The following OTOF variants were observed in gnomAD, a reference collection of about 807,000 sequenced individuals.
OTOF encodes the protein fer-1-like family member 2.
In OTOF, 218 loss-of-function variants were observed where a neutral mutation model predicts 236.8. That is an observed-to-expected ratio of 0.92 (90% confidence interval 0.82 to 1.03). The LOEUF is 1.03. Among genes scored for constraint, OTOF ranks in the 50% least tolerant of loss-of-function variants. The pLI is 0.00. For synonymous variants in OTOF, 1,041 were observed against 1,072.5 expected, an observed-to-expected ratio of 0.97 and a Z score of 0.57; for missense variants, 2,590 against 2,694.4, an observed-to-expected ratio of 0.96 and a Z score of 0.86.
chr2:26,460,087 G>A lies in OTOF; in HGVS notation c.5932C>T (p.Leu1978Phe). Residue 1978 changes from leucine (L) to phenylalanine (F), a missense_variant, in exon 46 of 47, where the codon CTC (leucine) becomes TTC (phenylalanine). Physicochemically the swap from Leu to Phe is conservative, Grantham distance 22 (BLOSUM62 0). Around this residue, in one of 2 missense-constraint regions of OTOF, gnomAD observed 1,211 missense variants for 1,352.8 expected, o/e 0.90. Coordinates refer to ENST00000272371, the MANE Select transcript of OTOF (RefSeq NM_194248.3). This position sits in a 1 kb window ranked among gnomAD's most constrained non-coding sequence, Gnocchi z 5.3. ...KLLLLLLLLL[L>F]LALFLYSVPG... is the part of the protein sequence containing the mutation. ...ACAGAGTAGAGGAACAGGGCGAGGA[G>A]GAGGAGCAGCAGCAGGAGCAGCAAC... 1.3e-6 allele frequency: 2 copies of A among 1,579,792 alleles called. No homozygotes were observed. The highest frequency in any genetic ancestry group is 8.6e-7 in the Non-Finnish European group (1 of 1,162,464).
At chr2:26,516,377 T>C in intron 5 of OTOF, 41 bp downstream of exon 5, 1 of 1,582,474 alleles carries the variant, frequency 6.3e-7, no homozygotes, top group Non-Finnish European at 8.7e-7. Context: ...CTTCCCCGTG[T>C]CTTGGGAGCA....
In OTOF at chr2:26,462,473, A is replaced by G. The variant is rs1318616380; in HGVS notation, c.5193-292T>C. 1.3e-5 allele frequency among the ~76,000 whole-genome samples: 2 copies of G among 152,188 alleles called. No homozygotes were observed. The highest frequency in any genetic ancestry group is 2.4e-5 in the African/African-American group (1 of 41,438). The stretch of plus-strand genomic sequence containing the variant: ...CTGCATTTAAGCCCAGTAGCCAGCA[A>G]TGGAAGCCCATGGAAGCTGTATGTC... On this transcript the variant is annotated intron_variant, in intron 41 of 46. Coordinates refer to ENST00000272371, the MANE Select transcript of OTOF (RefSeq NM_194248.3). The surrounding 1 kb of genome is among the most constrained non-coding windows in gnomAD (Gnocchi z 4.7).
In OTOF at chr2:26,466,798, G is replaced by A. The variant is rs145597315; in HGVS notation, c.4416C>T (p.Ala1472=). The A allele has an allele frequency of 1.8e-5, 29 of 1,614,100 alleles. No individual in the cohort carries two copies. The highest frequency in any genetic ancestry group is 1.6e-4 in the Middle Eastern group (1 of 6,084). ...ACATGCCGTAGGTGGAGTCGTAGCC[G>A]GCTTCCCGGGACACGTCCTCTGGGA... ...VPLPEDVSRE[A]GYDSTYGMFQ... The change falls in exon 36 of 47, where the codon GCC becomes GCT. Residue 1472 remains alanine (A), a synonymous_variant. Transcript: ENST00000272371.
intron 11 of OTOF, among the ~76,000 whole-genome samples, chr2:26,488,481 T>C (rs1665752943): frequency 6.6e-6 from 1 of 152,148 alleles, no homozygotes; most frequent in Admixed American, 6.5e-5. Context: ...GGCCACCCCT[T>C]GGGGTTCCCT....
At chr2:26,523,547 C>T (rs1434388852) in intron 3 of OTOF, among the ~76,000 whole-genome samples, 4 of 152,194 alleles carry the variant, frequency 2.6e-5, no homozygotes, top group Admixed American at 1.3e-4. Context: ...CCAAATGCAT[C>T]GGTCATGTGA....
chr2:26,478,139 G>A (rs1251714457), intron 18 of OTOF: 3 of 963,050 alleles, frequency 3.1e-6, no homozygotes, highest in Non-Finnish European at 2.8e-6. Context: ...CCTGTGGCAG[G>A]GGATGGGAAC....
At chr2:26,506,723 G>A (rs1421784060) in intron 5 of OTOF, among the ~76,000 whole-genome samples, 2 of 152,196 alleles carry the variant, frequency 1.3e-5, no homozygotes, top group Admixed American at 6.5e-5. Flanking sequence ...GTCCTGGTCC[G>A]GTGCGGTGAC....
At chr2:26,471,171 CAG>C (rs763486329) in intron 30 of OTOF, 21 bp from the exon 31 acceptor site, 2 of 1,614,036 alleles carry the variant, frequency 1.2e-6, no homozygotes, top group Admixed American at 1.7e-5. Context: ...ACCAAGGAGA[CAG>C]GGGCAGAATC....
At chr2:26,482,681 G>T in intron 13 of OTOF, 89 bp from the exon 14 acceptor site, 2 of 1,105,492 alleles carry the variant, frequency 1.8e-6, no homozygotes, top group African/African-American at 1.5e-5. Context: ...ATGTGTGCGT[G>T]AGTGGGCACA....
intron 3 of OTOF, among the ~76,000 whole-genome samples, chr2:26,524,306 G>T (rs750595898): frequency 6.6e-6 from 1 of 152,298 alleles, no homozygotes; most frequent in Middle Eastern, 3.4e-3. Flanking sequence ...CCAGGAGTTC[G>T]AGACCATCCT....
intron 5 of OTOF, among the ~76,000 whole-genome samples, chr2:26,512,193 C>T (rs563892046): frequency 7.8e-4 from 119 of 152,134 alleles, no homozygotes; most frequent in African/African-American, 2.8e-3. Context: ...GAGAGCCAGG[C>T]CAGGTGGAGA....
rs777474378 is a variant in OTOF at position 26,470,544 on chromosome 2, G to T, written c.4023+49C>A. On this transcript the variant is annotated intron_variant, in intron 32 of 46. Transcript: ENST00000272371. The surrounding 1 kb of genome is among the most constrained non-coding windows in gnomAD (Gnocchi z 4.3). ...CGTGGGAAAGAAGCTGGACAGGAGG[G>T]TCTGAGTGTGGAGGGGGTCACCTCC... 6 of 1,579,664 alleles carry T rather than the reference G, an allele frequency of 3.8e-6. No homozygotes were observed. The highest frequency in any genetic ancestry group is 2.7e-5 in the African/African-American group (2 of 74,216).
chr2:26,531,960 G>A (rs1267811844), intron 2 of OTOF, among the ~76,000 whole-genome samples: 2 of 151,996 alleles, frequency 1.3e-5, no homozygotes, highest in African/African-American at 2.4e-5. Context: ...AGGTGTGGTG[G>A]TGCATGCCTG....
chr2:26,519,517 AAGGT>A (rs1666623767), intron 3 of OTOF, among the ~76,000 whole-genome samples: 1 of 152,168 alleles, frequency 6.6e-6, no homozygotes, highest in African/African-American at 2.4e-5. Flanking sequence ...AACCATGACC[AAGGT>A]TTCCAGCCCA....
intron 1 of OTOF, among the ~76,000 whole-genome samples, chr2:26,546,010 C>A (rs1667321041): frequency 6.6e-6 from 1 of 152,148 alleles, no homozygotes; most frequent in Admixed American, 6.5e-5. Flanking sequence ...TAAATTTTGA[C>A]TCCCCAAAAA....
rs113467224 is a variant in OTOF, at chr2:26,495,264, CA to C, written c.766-192del. Among the ~76,000 whole-genome samples, 3,036 of 152,182 alleles carry C rather than the reference CA, an allele frequency of 0.02. 108 individuals carry two copies. Among genetic ancestry groups the C allele is most frequent in the African/African-American group, 0.069 (2,854 of 41,488 alleles). On this transcript the variant is annotated intron_variant, in intron 8 of 46. Coordinates refer to ENST00000272371, the MANE Select transcript of OTOF (RefSeq NM_194248.3). ...CCTGGCTCTTTCTCCTTCTATGCCT[CA>C]AGTGTCTTCATTTATAGAGGAGTAT...
At chr2:26,490,832 G>T (rs1665822827) in intron 9 of OTOF, among the ~76,000 whole-genome samples, 1 of 152,182 alleles carries the variant, frequency 6.6e-6, no homozygotes, top group South Asian at 2.1e-4. Flanking sequence ...GTTGCAATGA[G>T]ACACCCTGGT....
Position 26,461,558 on chromosome 2 carries a change from G to T in OTOF, c.5533+138C>A. The T allele has an allele frequency of 8.2e-7, 1 of 1,213,992 alleles. No homozygotes were observed. Among genetic ancestry groups the T allele is most frequent in the Non-Finnish European group, 1.2e-6 (1 of 852,654 alleles). 75.2% of individuals were successfully genotyped at this position (1,213,992 alleles called of 1,614,324 possible). A position where few individuals can be genotyped will look rare whatever the true frequency, so the allele number is the denominator to read the frequency against. On this transcript the variant is annotated intron_variant, in intron 43 of 46. Transcript: ENST00000272371. The surrounding 1 kb of genome is among the most constrained non-coding windows in gnomAD (Gnocchi z 6.2). The stretch of plus-strand genomic sequence containing the variant: ...GGGTCCTTGGGGGCGGAACCCCGTC[G>T]GACACCCCTGGCTCTGATGGACTGG...
chr2:26,464,838 G>A (rs200008703), intron 39 of OTOF, 31 bp downstream of exon 39: 7 of 1,595,002 alleles, frequency 4.4e-6, no homozygotes, highest in African/African-American at 1.4e-5. Flanking sequence ...CCTGGAGAGG[G>A]GGCAGGCGGC....
Sources: gnomAD v4.1 joint callset for allele counts (sites outside exome capture counted in the v4.1 genomes callset) on GRCh38, gnomAD v4.1.1 for gene constraint, gnomAD v4.1.1 regional missense constraint, Gnocchi (gnomAD v3.1) non-coding constraint, MANE v1.5 for transcripts, NCBI Gene and HGNC (gene_info 2026-07-23, HGNC 2026-07-21) for gene names.